SSBP2: variants seen among roughly 807,000 people sequenced by gnomAD.
SSBP2 encodes the protein single-stranded DNA-binding protein 2.
Under a neutral mutation model 61.8 loss-of-function variants are expected in SSBP2, and 17 were observed. The ratio of observed to expected loss-of-function variants is 0.28; its 90% CI spans 0.19 to 0.41. SSBP2 has a LOEUF of 0.41. Among genes scored for constraint, SSBP2 ranks in the 10% least tolerant of loss-of-function variants. The pLI is 1.00. For missense variants in SSBP2, 310 were observed against 458.7 expected (o/e 0.68, Z 2.96); for synonymous variants, 139 against 141.3 (o/e 0.98, Z 0.12).
At chr5:81,584,549 A>C (rs1774923314) in intron 4 of SSBP2, among the ~76,000 whole-genome samples, 6 of 152,220 alleles carry the variant, frequency 3.9e-5, no homozygotes. Flanking sequence ...CAAGTTGTTC[A>C]GTGGTATGCT....
chr5:81,707,934 TAAGAAA>T (rs1561713965), intron 1 of SSBP2, among the ~76,000 whole-genome samples: 2 of 152,156 alleles, frequency 1.3e-5, no homozygotes, highest in African/African-American at 2.4e-5. Flanking sequence ...CACGTTGCTT[TAAGAAA>T]AAGAGCATAA....
chr5:81,550,520 G>A (rs1259464705), intron 4 of SSBP2, among the ~76,000 whole-genome samples: 4 of 152,112 alleles, frequency 2.6e-5, no homozygotes, highest in Non-Finnish European at 4.4e-5. Context: ...AGAGGGGCAT[G>A]AAAAAATTAC....
At chr5:81,653,052 C>A (rs1042556792) in intron 1 of SSBP2, among the ~76,000 whole-genome samples, 1 of 151,734 alleles carries the variant, frequency 6.6e-6, no homozygotes, top group South Asian at 2.1e-4. Context: ...CACTCATCAA[C>A]CCCTCATCTA....
At chr5:81,476,304 CA>C (rs1438574486) in intron 6 of SSBP2, among the ~76,000 whole-genome samples, 1 of 152,114 alleles carries the variant, frequency 6.6e-6, no homozygotes, top group East Asian at 1.9e-4. Context: ...CCATTTGTCT[CA>C]ATAATGTTTC....
In SSBP2 at chr5:81,455,625, CAAAAAAAAAAAAA is replaced by C. The variant is rs537363119; in HGVS notation, c.687+5417_687+5429del. On this transcript the variant is annotated intron_variant, in intron 10 of 16. Coordinates refer to ENST00000320672, the MANE Select transcript of SSBP2 (RefSeq NM_012446.5). ...TGGGCGACAGAGCGAGACTCCGTCT[CAAAAAAAAAAAAA>C]AAAAAAAAAAAAAAAAATCCTCCTT... is the stretch of plus-strand genomic sequence containing the variant. Among the ~76,000 whole-genome samples the C allele has an allele frequency of 4.0e-4, 5 of 12,562 alleles. 1 individual carries two copies. The highest frequency in any genetic ancestry group is 3.6e-3 in the African/African-American group (2 of 562). 8.2% of individuals were successfully genotyped at this position (12,562 alleles called of 152,430 possible).
chr5:81,564,317 C>T (rs913817307), intron 4 of SSBP2, among the ~76,000 whole-genome samples: 1 of 152,154 alleles, frequency 6.6e-6, no homozygotes, highest in African/African-American at 2.4e-5. Context: ...GGAGGAAGAA[C>T]ATGTTTGCCT....
At chr5:81,563,796 A>G (rs1449276422) in intron 4 of SSBP2, among the ~76,000 whole-genome samples, 1 of 152,208 alleles carries the variant, frequency 6.6e-6, no homozygotes, top group Non-Finnish European at 1.5e-5. Flanking sequence ...AAACTACTAG[A>G]GAAACATGAG....
chr5:81,627,363 TCAC>T (rs1747273497), intron 3 of SSBP2, among the ~76,000 whole-genome samples: 1 of 152,202 alleles, frequency 6.6e-6, no homozygotes, highest in Admixed American at 6.5e-5. Flanking sequence ...AGCCCCGTTG[TCAC>T]CTACACTGTC....
At chr5:81,743,646 T>C (rs2154024243) in intron 1 of SSBP2, among the ~76,000 whole-genome samples, 1 of 152,216 alleles carries the variant, frequency 6.6e-6, no homozygotes, top group East Asian at 1.9e-4. Flanking sequence ...CCATTATATC[T>C]AGCATAATTT....
intron 1 of SSBP2, among the ~76,000 whole-genome samples, chr5:81,719,581 C>A (rs1267716951): frequency 6.6e-6 from 1 of 151,996 alleles, no homozygotes; most frequent in Non-Finnish European, 1.5e-5. Context: ...TAAAATGTAC[C>A]CAGGTTTTGT....
intron 4 of SSBP2, among the ~76,000 whole-genome samples, chr5:81,534,778 CA>C (rs1312582293): frequency 6.6e-6 from 1 of 151,862 alleles, no homozygotes; most frequent in African/African-American, 2.4e-5. Flanking sequence ...GAGAAAGAAA[CA>C]GAAGCAATAA....
rs181033547 is a variant in SSBP2 at position 81,522,202 on chromosome 5, T to C, written c.283-8485A>G. 3.8e-3 allele frequency among the ~76,000 whole-genome samples: 571 copies of C among 152,110 alleles called. 3 individuals carry two copies. The highest frequency in any genetic ancestry group is 0.017 in the Middle Eastern group (5 of 294). On this transcript the variant is annotated intron_variant, in intron 4 of 16. Coordinates refer to ENST00000320672, the MANE Select transcript of SSBP2 (RefSeq NM_012446.5). ...AAATTATGGAACATGATTCAACCAT[T>C]AAAAACAATGCTTACAAATGGCATT... is the stretch of plus-strand genomic sequence containing the variant.
At chr5:81,507,625 G>C (rs904449190) in intron 5 of SSBP2, among the ~76,000 whole-genome samples, 5 of 152,016 alleles carry the variant, frequency 3.3e-5, no homozygotes, top group Admixed American at 6.6e-5. Flanking sequence ...GAATGTATTT[G>C]GTTATTAGAG....
At chr5:81,750,770 A>G (rs1235036115) in intron 1 of SSBP2, 1 of 567,592 alleles carries the variant, frequency 1.8e-6, no homozygotes, top group Admixed American at 3.3e-5. Flanking sequence ...TCCCGCCGAC[A>G]GCCCCCTGCG....
At chr5:81,668,376 A>G (rs541981665) in intron 1 of SSBP2, among the ~76,000 whole-genome samples, 1 of 152,024 alleles carries the variant, frequency 6.6e-6, no homozygotes, top group Non-Finnish European at 1.5e-5. Context: ...GCCAAAACAC[A>G]GTTACTCTAA....
Position 81,702,155 on chromosome 5 carries a change from G to A in SSBP2, c.62+48826C>T, listed in dbSNP as rs572402282. On this transcript the variant is annotated intron_variant, in intron 1 of 16. Transcript: ENST00000320672. ...TGGGAGGCCGAGGCGGGTAGATCAC[G>A]AGGTCAGGAGATCAAGACCAGCCTG... 7.9e-4 allele frequency among the ~76,000 whole-genome samples: 121 copies of A among 152,206 alleles called. 1 individual carries two copies. The highest frequency in any genetic ancestry group is 2.8e-3 in the African/African-American group (115 of 41,528).
At chr5:81,642,135 G>C (rs1748844379) in intron 2 of SSBP2, among the ~76,000 whole-genome samples, 1 of 152,194 alleles carries the variant, frequency 6.6e-6, no homozygotes, top group Non-Finnish European at 1.5e-5. Flanking sequence ...ATTCCTAAAT[G>C]TCAGCAGTCA....
intron 6 of SSBP2, among the ~76,000 whole-genome samples, chr5:81,475,541 C>T (rs1171355441): frequency 6.6e-6 from 1 of 152,020 alleles, no homozygotes; most frequent in Non-Finnish European, 1.5e-5. Context: ...TCCCAGATTA[C>T]CTCTCCAGCC....
intron 1 of SSBP2, among the ~76,000 whole-genome samples, chr5:81,720,330 TG>T (rs1453887783): frequency 1.3e-5 from 2 of 152,190 alleles, no homozygotes; most frequent in Non-Finnish European, 2.9e-5. Context: ...TCATTCCAAA[TG>T]GTCTTCCCTT....
Sources: allele counts gnomAD v4.1 joint callset (sites outside exome capture counted in the v4.1 genomes callset), GRCh38; gene constraint gnomAD v4.1.1; transcripts MANE v1.5; gene names NCBI Gene and HGNC (gene_info 2026-07-23, HGNC 2026-07-21).